PJA2: variants seen among roughly 807,000 people sequenced by gnomAD.
PJA2 encodes E3 ubiquitin-protein ligase Praja-2.
Under a neutral mutation model 69.3 loss-of-function variants are expected in PJA2, and 25 were observed. The ratio of observed to expected loss-of-function variants is 0.36; its 90% CI spans 0.26 to 0.50. The LOEUF is 0.50. PJA2 is among the 20% of genes least tolerant of loss of function. PJA2 has a pLI of 0.96. For missense variants in PJA2, 809 were observed against 830.2 expected, an observed-to-expected ratio of 0.97 and a Z score of 0.31; for synonymous variants, 308 against 277.8, an observed-to-expected ratio of 1.11 and a Z score of -1.08.
At chr5:109,357,174 G>T (rs1336386942) in intron 6 of PJA2, among the ~76,000 whole-genome samples, 1 of 152,076 alleles carries the variant, frequency 6.6e-6, no homozygotes, top group Non-Finnish European at 1.5e-5. Context: ...CTGAGTAGAT[G>T]TACTCCTACC....
chr5:109,369,085 T>A (rs1055044002), intron 4 of PJA2, among the ~76,000 whole-genome samples: 6 of 152,170 alleles, frequency 3.9e-5, no homozygotes, highest in Non-Finnish European at 7.3e-5. Flanking sequence ...TCCACCATGA[T>A]TGGAAGCTTC....
rs758161956 is a variant in PJA2 at position 109,378,945 on chromosome 5, A to C, written c.542T>G (p.Leu181Arg). 1 of 1,614,194 alleles carries C rather than the reference A, an allele frequency of 6.2e-7. No homozygotes were observed. Among genetic ancestry groups the C allele is most frequent in the South Asian group, 1.1e-5 (1 of 91,082 alleles). Reference sequence around the variant, plus strand: ...TTCCACGACTTCTGCAGAAAGTTGAAGATGGTCATTATCTTCTCCATGTTT... The same window carrying C: ...TTCCACGACTTCTGCAGAAAGTTGACGATGGTCATTATCTTCTCCATGTTT... ...DGKHGEDNDHLQLSAEVVEGS... is the reference protein window; with the variant it reads ...DGKHGEDNDHRQLSAEVVEGS... Residue 181 changes from leucine to arginine, a missense_variant, in exon 4 of 10, where the codon CTT (leucine) becomes CGT (arginine). By Grantham distance (102) the Leu-to-Arg change is moderately radical. Coordinates refer to ENST00000361189, the MANE Select transcript of PJA2 (RefSeq NM_014819.5).
At chr5:109,360,874 T>C (rs1762493441) in intron 6 of PJA2, among the ~76,000 whole-genome samples, 1 of 152,132 alleles carries the variant, frequency 6.6e-6, no homozygotes, top group Non-Finnish European at 1.5e-5. Context: ...ACACCTGTAA[T>C]CCCAGCACTT....
chr5:109,397,235 T>G (rs1261289557), intron 1 of PJA2, among the ~76,000 whole-genome samples: 3 of 152,242 alleles, frequency 2.0e-5, no homozygotes, highest in African/African-American at 4.8e-5. Context: ...AAAATAAATT[T>G]ATTTTCTTTA....
intron 7 of PJA2, among the ~76,000 whole-genome samples, chr5:109,350,378 C>G (rs192212046): frequency 6.6e-6 from 1 of 151,946 alleles, no homozygotes; most frequent in Non-Finnish European, 1.5e-5. Context: ...GCCTAAATCA[C>G]CCTATCTAGA....
intron 1 of PJA2, among the ~76,000 whole-genome samples, chr5:109,405,299 G>A (rs193168479): frequency 6.6e-6 from 1 of 152,134 alleles, no homozygotes; most frequent in Admixed American, 6.5e-5. Context: ...TACATAAATG[G>A]AGACAACCTG....
At chr5:109,374,127 A>G (rs1314512410) in intron 4 of PJA2, among the ~76,000 whole-genome samples, 1 of 152,246 alleles carries the variant, frequency 6.6e-6, no homozygotes, top group Non-Finnish European at 1.5e-5. Flanking sequence ...GTCCAAATAT[A>G]TAAGTCTGCT....
intron 1 of PJA2, among the ~76,000 whole-genome samples, chr5:109,404,225 GA>G (rs1462565720): frequency 3.3e-5 from 5 of 151,510 alleles, no homozygotes; most frequent in Non-Finnish European, 7.4e-5. Flanking sequence ...ATAAACAACA[GA>G]AATTTATTTC....
intron 6 of PJA2, among the ~76,000 whole-genome samples, chr5:109,360,884 T>G (rs1181771576): frequency 6.6e-6 from 1 of 152,050 alleles, no homozygotes; most frequent in African/African-American, 2.4e-5. Flanking sequence ...TCCCAGCACT[T>G]TGGGAGGCCG....
intron 1 of PJA2, among the ~76,000 whole-genome samples, chr5:109,384,467 TTTGAGAAG>T (rs1747116890): frequency 6.6e-6 from 1 of 152,204 alleles, no homozygotes. Flanking sequence ...AAAAGTACTA[TTTGAGAAG>T]TTGCAACCTG....
intron 7 of PJA2, among the ~76,000 whole-genome samples, chr5:109,355,082 C>G (rs553939953): frequency 6.6e-6 from 1 of 152,202 alleles, no homozygotes; most frequent in East Asian, 1.9e-4. Flanking sequence ...TATGACTGCA[C>G]CACTGCACTC....
intron 1 of PJA2, chr5:109,390,541 CT>C (rs1561362057): frequency 2.0e-5 from 3 of 151,924 alleles, no homozygotes; most frequent in African/African-American, 7.2e-5. Flanking sequence ...TAATCTTTCT[CT>C]TTTTGTTAGA....
At chr5:109,362,692 G>A in intron 6 of PJA2, 148 bp downstream of exon 6, 2 of 749,112 alleles carry the variant, frequency 2.7e-6, no homozygotes, top group Non-Finnish European at 4.0e-6. Context: ...CAAGTAGGAA[G>A]GAACATTTGA....
intron 1 of PJA2, among the ~76,000 whole-genome samples, chr5:109,396,744 A>C (rs1303157269): frequency 3.4e-5 from 4 of 117,458 alleles, no homozygotes; most frequent in Non-Finnish European, 6.8e-5. Context: ...AGTTCTAACC[A>C]TCGCAAGACC....
chr5:109,367,690 T>C (rs1460316303), intron 5 of PJA2, among the ~76,000 whole-genome samples: 1 of 152,142 alleles, frequency 6.6e-6, no homozygotes, highest in African/African-American at 2.4e-5. Context: ...AAAAATCCCA[T>C]GTAAAATATT....
intron 5 of PJA2, among the ~76,000 whole-genome samples, chr5:109,366,331 A>G (rs1168970252): frequency 1.3e-5 from 2 of 152,240 alleles, no homozygotes; most frequent in Non-Finnish European, 2.9e-5. Context: ...CTAAGGATGA[A>G]AAATGTGTGA....
In PJA2 at chr5:109,391,616, C is replaced by T. The variant is rs139297829; in HGVS notation, c.-87-8096G>A. ...CTCAAACACCTACCAAGTGAGTGTG[C>T]TTGTCAGTGAATTAAAAATGAGAGA... On this transcript the variant is annotated intron_variant, in intron 1 of 9. Coordinates refer to ENST00000361189, the MANE Select transcript of PJA2 (RefSeq NM_014819.5). Among the ~76,000 whole-genome samples, 640 of 151,432 alleles carry T rather than the reference C, an allele frequency of 4.2e-3. 5 individuals are homozygous for T. Among genetic ancestry groups the T allele is most frequent in the Non-Finnish European group, 4.2e-3 (282 of 67,928 alleles).
intron 1 of PJA2, chr5:109,390,609 C>CTTGCTATTATTAATCTATTAAATCT (rs1747261000): frequency 6.6e-6 from 1 of 151,890 alleles, no homozygotes; most frequent in Admixed American, 6.6e-5. Context: ...TTAAATCTAC[C>CTTGCTATTATTAATCTATTAAATCT]ATCTTGCTAT....
rs952366743 is a variant in PJA2, at chr5:109,379,126, C to A, written c.361G>T (p.Ala121Ser). The A allele has an allele frequency of 1.2e-5, 20 of 1,613,966 alleles. No individual in the cohort carries two copies. The highest frequency in any genetic ancestry group is 1.6e-5 in the Non-Finnish European group (19 of 1,180,034). ...CTGCCTTCCTCACTGTGATGTACTGCAACAAAGGATTGACTGCTCTCAGTG... is the reference window on the plus strand; with the variant it reads ...CTGCCTTCCTCACTGTGATGTACTGAAACAAAGGATTGACTGCTCTCAGTG... ...QTTESSQSFV[A>S]VHHSEEGRDT... The change falls in exon 4 of 10, where the codon GCA becomes TCA. Residue 121 changes from alanine to serine, a missense_variant. Physicochemically the swap from Ala to Ser is moderately conservative, Grantham distance 99. Transcript: ENST00000361189.
Sources: allele counts gnomAD v4.1 joint callset (sites outside exome capture counted in the v4.1 genomes callset), GRCh38; gene constraint gnomAD v4.1.1; transcripts MANE v1.5; gene names NCBI Gene and HGNC (gene_info 2026-07-23, HGNC 2026-07-21).